ABCA6: variants seen among roughly 807,000 people sequenced by gnomAD.
ABCA6 encodes ATP-binding cassette sub-family A member 6.
Under a neutral mutation model 191.2 loss-of-function variants are expected in ABCA6, and 164 were observed. That is an observed-to-expected ratio of 0.86 (90% confidence interval 0.76 to 0.98). ABCA6 has a LOEUF of 0.98. Among genes scored for constraint, ABCA6 ranks in the 50% least tolerant of loss-of-function variants. The pLI, the probability that ABCA6 is intolerant of heterozygous loss-of-function variation, is 0.00. For missense variants in ABCA6, 1,958 were observed against 1,894.1 expected, an observed-to-expected ratio of 1.03 and a Z score of -0.63; for synonymous variants, 636 against 647.7, an observed-to-expected ratio of 0.98 and a Z score of 0.27.
intron 19 of ABCA6, 195 bp downstream of exon 19, chr17:69,105,833 C>A: frequency 1.4e-6 from 1 of 732,886 alleles, no homozygotes. Context: ...ACCATGAAAA[C>A]AAAACACACC....
chr17:69,086,828 A>G, intron 29 of ABCA6, 93 bp from the exon 30 acceptor site: 3 of 735,634 alleles, frequency 4.1e-6, no homozygotes, highest in Non-Finnish European at 6.7e-6. Context: ...AAGCCAAACC[A>G]TATTTTGAGT....
At position 69,105,572 on chromosome 17, in the gene ABCA6, G is replaced by A. The variant is rs1296167725; in HGVS notation, c.2630C>T (p.Ala877Val). Reference protein sequence around the residue: ...FPLIVENIMYAMLNEKIDWEF... With the variant: ...FPLIVENIMYVMLNEKIDWEF... ...CCAATCGATCTTTTCATTTAACATAGCATACATTATATTTTCAACAATCAA... is the reference window on the plus strand; with the variant it reads ...CCAATCGATCTTTTCATTTAACATAACATACATTATATTTTCAACAATCAA... The change falls in exon 20 of 39, where the codon GCT (alanine) becomes GTT (valine). Residue 877 changes from alanine (A) to valine (V), a missense_variant. Coordinates refer to ENST00000284425, the MANE Select transcript of ABCA6 (RefSeq NM_080284.3). 1.9e-6 allele frequency: 3 copies of A among 1,571,454 alleles called. No individual in the cohort carries two copies. The highest frequency in any genetic ancestry group is 4.5e-5 in the East Asian group (2 of 44,568).
chr17:69,134,107 A>G (rs1014992811), intron 5 of ABCA6, among the ~76,000 whole-genome samples: 1 of 152,146 alleles, frequency 6.6e-6, no homozygotes, highest in Admixed American at 6.6e-5. Flanking sequence ...AACCAATAAA[A>G]TTGGTTTTAA....
In ABCA6 at chr17:69,107,685, A is replaced by T; in HGVS notation, c.2389+11T>A. 3 of 1,536,466 alleles carry T rather than the reference A, an allele frequency of 2.0e-6. No homozygotes were observed. Among genetic ancestry groups the T allele is most frequent in the Non-Finnish European group, 2.7e-6 (3 of 1,121,184 alleles). On this transcript the variant is annotated intron_variant, in intron 18 of 38. Coordinates refer to ENST00000284425, the MANE Select transcript of ABCA6 (RefSeq NM_080284.3). The stretch of plus-strand genomic sequence containing the variant: ...GAATTGGTTTTCTGTGAATTATACA[A>T]ATGGCTTTACCTTGTTCGATAGTTG...
intron 7 of ABCA6, 67 bp from the exon 8 acceptor site, chr17:69,128,871 C>A: frequency 4.0e-6 from 5 of 1,261,580 alleles, no homozygotes; most frequent in Non-Finnish European, 4.3e-6. Flanking sequence ...CATTGGCAGC[C>A]CAATCAAATA....
chr17:69,097,490 C>T (rs888280200), intron 23 of ABCA6, among the ~76,000 whole-genome samples: 8 of 151,576 alleles, frequency 5.3e-5, no homozygotes, highest in African/African-American at 9.7e-5. Context: ...GGATGGTGAA[C>T]GTTGATAGAT....
intron 4 of ABCA6, chr17:69,135,117 G>A (rs2144719875): frequency 4.7e-6 from 1 of 210,996 alleles, no homozygotes; most frequent in Non-Finnish European, 9.3e-6. Context: ...CTGACCTCAG[G>A]TGATCCGTGC....
At chr17:69,123,481 A>C (rs1479418699) in intron 9 of ABCA6, 74 bp from the exon 10 acceptor site, 2 of 1,051,696 alleles carry the variant, frequency 1.9e-6, no homozygotes, top group Non-Finnish European at 2.5e-6. Context: ...GCTAACAACA[A>C]TGCAGAATGC....
At chr17:69,091,454 G>A (rs867229583) in intron 25 of ABCA6, among the ~76,000 whole-genome samples, 192 bp from the exon 26 acceptor site, 6 of 152,230 alleles carry the variant, frequency 3.9e-5, no homozygotes, top group Non-Finnish European at 8.8e-5. Context: ...AATACATTAT[G>A]ATCCCCAATA....
At chr17:69,141,344 T>C (rs972007446) in intron 1 of ABCA6, among the ~76,000 whole-genome samples, 2 of 152,068 alleles carry the variant, frequency 1.3e-5, no homozygotes, top group Non-Finnish European at 2.9e-5. Flanking sequence ...CTCAATTTTC[T>C]GAATTCAGAA....
intron 5 of ABCA6, 74 bp downstream of exon 5, chr17:69,134,565 T>A (rs1195069619): frequency 4.7e-6 from 5 of 1,057,752 alleles, no homozygotes; most frequent in Non-Finnish European, 7.2e-6. Flanking sequence ...AAGACAATTA[T>A]CTTTCATCAA....
rs141801990 is a variant in ABCA6, at chr17:69,088,858, G to A, written c.3607-600C>T. ...TTGGTCATTCAGTCACAACCACACT[G>A]GCCTGGCTGACCCTGGATTGAGCCG... On this transcript the variant is annotated intron_variant, in intron 27 of 38. Coordinates refer to ENST00000284425, the MANE Select transcript of ABCA6 (RefSeq NM_080284.3). 5.3e-4 allele frequency among the ~76,000 whole-genome samples: 80 copies of A among 152,150 alleles called. No individual in the cohort carries two copies. The East Asian group carries it at 9.9e-3, about 19-fold the overall frequency.
rs775675636 is a variant in ABCA6 at position 69,136,206 on chromosome 17, T to C, written c.346A>G (p.Ile116Val). The C allele has an allele frequency of 6.3e-7, 1 of 1,597,178 alleles. No individual in the cohort carries two copies. Among genetic ancestry groups the C allele is most frequent in the Admixed American group, 1.7e-5 (1 of 58,278 alleles). ...GAPNKTHMDE[I>V]LLENLPYAMG... is the part of the protein sequence containing the mutation. The stretch of plus-strand genomic sequence containing the variant: ...GCATATGGTAAATTTTCCAGAAGTA[T>C]TTCGTCCATGTGTGTTTTATTTGGT... The change falls in exon 4 of 39, where the codon ATA becomes GTA. Residue 116 changes from isoleucine to valine, a missense_variant. Transcript: ENST00000284425.
intron 2 of ABCA6, 75 bp from the exon 3 acceptor site, chr17:69,137,575 T>C: frequency 7.3e-7 from 1 of 1,377,622 alleles, no homozygotes; most frequent in Non-Finnish European, 1.0e-6. Context: ...TACAAAATAC[T>C]GTTGAAAACA....
intron 9 of ABCA6, among the ~76,000 whole-genome samples, chr17:69,124,225 A>G (rs2073705890): frequency 6.6e-6 from 1 of 152,036 alleles, no homozygotes; most frequent in African/African-American, 2.4e-5. Flanking sequence ...GAAGTCACAG[A>G]AAGACAGGAA....
chr17:69,089,828 T>C (rs919182709), intron 26 of ABCA6, among the ~76,000 whole-genome samples: 2 of 152,120 alleles, frequency 1.3e-5, no homozygotes, highest in African/African-American at 4.8e-5. Flanking sequence ...CTGAAGCATA[T>C]GTTATTACTG....
intron 24 of ABCA6, 49 bp downstream of exon 24, chr17:69,096,579 T>G: frequency 6.3e-6 from 8 of 1,271,042 alleles, no homozygotes; most frequent in Non-Finnish European, 7.3e-6. Context: ...ATGTTAAAAT[T>G]TATTATTAAT....
intron 29 of ABCA6, among the ~76,000 whole-genome samples, 197 bp downstream of exon 29, chr17:69,087,156 T>C (rs1327864770): frequency 6.6e-6 from 1 of 152,234 alleles, no homozygotes; most frequent in Non-Finnish European, 1.5e-5. Context: ...AGGTTTTGTG[T>C]TCTTTTTAGC....
chr17:69,117,269 T>C (rs768553420), intron 11 of ABCA6, among the ~76,000 whole-genome samples: 2 of 152,068 alleles, frequency 1.3e-5, no homozygotes, highest in Non-Finnish European at 2.9e-5. Flanking sequence ...TTTTCAGCTT[T>C]TAAGGCTTCT....
Sources: allele counts gnomAD v4.1 joint callset (sites outside exome capture counted in the v4.1 genomes callset), GRCh38; gene constraint gnomAD v4.1.1; transcripts MANE v1.5; gene names NCBI Gene and HGNC (gene_info 2026-07-23, HGNC 2026-07-21).